Variants in RGS22 observed in about 807,000 individuals in gnomAD.
The protein encoded by RGS22 is regulator of G protein signaling 22.
Under a neutral mutation model 172.9 loss-of-function variants are expected in RGS22, and 148 were observed. That is an observed-to-expected ratio of 0.86 (90% CI 0.75 to 0.98). The LOEUF (loss-of-function observed/expected upper bound fraction) is 0.98. Ranked by LOEUF, RGS22 falls within the 50% of genes least tolerant of loss-of-function variation. The probability of loss-of-function intolerance (pLI) is 0.00; values close to 1 mark genes in which losing one functional copy is unlikely to be tolerated. For missense variants in RGS22, 1,347 were observed against 1,440.8 expected (o/e 0.93, Z 1.05); for synonymous variants, 458 against 480.2 (o/e 0.95, Z 0.60).
intron 3 of RGS22, among the ~76,000 whole-genome samples, chr8:100,085,912 T>C (rs1402264506): frequency 2.0e-5 from 3 of 152,196 alleles, no homozygotes; most frequent in East Asian, 3.8e-4. Flanking sequence ...TGGATGTATA[T>C]TGAACTCCAG....
intron 9 of RGS22, among the ~76,000 whole-genome samples, chr8:100,059,167 G>A (rs566571419): frequency 1.3e-5 from 2 of 152,030 alleles, no homozygotes; most frequent in South Asian, 4.1e-4. Context: ...TAAAAAGCAA[G>A]AAACTAAATC....
intron 20 of RGS22, among the ~76,000 whole-genome samples, chr8:99,996,031 T>G (rs1461257559): frequency 6.6e-6 from 1 of 150,696 alleles, no homozygotes; most frequent in Non-Finnish European, 1.5e-5. Context: ...AAACACTGCA[T>G]GTTATCACTC....
At chr8:100,001,591 A>G (rs1815096665) in intron 18 of RGS22, among the ~76,000 whole-genome samples, 1 of 152,198 alleles carries the variant, frequency 6.6e-6, no homozygotes, top group South Asian at 2.1e-4. Flanking sequence ...TTATTAATAA[A>G]TTGTGATTAA....
In RGS22 at chr8:100,051,713, A is replaced by ATATATATT. The variant is rs1325571409; in HGVS notation, c.1689+1081_1689+1088dup. On this transcript the variant is annotated intron_variant, in intron 10 of 27. Transcript: ENST00000360863. ...TATATTTATATATACGTATATATAA[A>ATATATATT]TATATATTTATATATACGTATATAT... Among the ~76,000 whole-genome samples, 3 of 38,754 alleles carry ATATATATT rather than the reference A, an allele frequency of 7.7e-5. 1 individual carries two copies. The African/African-American group carries it at 8.1e-4, about 10-fold the overall frequency. The allele number at this position is 38,754 out of a possible 152,430, so 25.4% of individuals were successfully genotyped here.
chr8:100,053,580 G>C (rs889432393), intron 9 of RGS22, among the ~76,000 whole-genome samples: 1 of 152,156 alleles, frequency 6.6e-6, no homozygotes, highest in Non-Finnish European at 1.5e-5. Context: ...TAATTTTAAA[G>C]CACTTTGGCA....
At chr8:100,098,930 A>ATTTTATTTT (rs1813249053) in intron 2 of RGS22, among the ~76,000 whole-genome samples, 1 of 109,294 alleles carries the variant, frequency 9.1e-6, no homozygotes, top group Non-Finnish European at 2.1e-5. Flanking sequence ...TATTTTATTT[A>ATTTTATTTT]TTTTTTAATG....
chr8:100,071,994 C>T (rs916320632), intron 5 of RGS22, 151 bp downstream of exon 5: 14 of 528,472 alleles, frequency 2.6e-5, no homozygotes, highest in African/African-American at 1.2e-4. Context: ...GCCAGGAGTT[C>T]GAGACCAGCC....
rs1820178380 is a variant in RGS22 at position 100,041,927 on chromosome 8, A to G, written c.1824-11T>C. Reference sequence around the variant, plus strand: ...GACATGTACTTTGACCTAAATTATAAGGATGAGAACTAAAATTATAAGAAT... The same window carrying G: ...GACATGTACTTTGACCTAAATTATAGGGATGAGAACTAAAATTATAAGAAT... On this transcript the variant is annotated splice_polypyrimidine_tract_variant and intron_variant, in intron 11 of 27. Transcript: ENST00000360863. 6.5e-7 allele frequency: 1 copy of G among 1,538,364 alleles called. No homozygotes were observed. The highest frequency in any genetic ancestry group is 9.0e-7 in the Non-Finnish European group (1 of 1,113,800).
At chr8:99,987,681 T>A in intron 20 of RGS22, 62 bp from the exon 21 acceptor site, 2 of 1,311,912 alleles carry the variant, frequency 1.5e-6, no homozygotes, top group East Asian at 2.6e-5. Flanking sequence ...TACCAACTTC[T>A]ATCTCCTAAA....
chr8:100,080,012 T>C (rs1811631605), intron 4 of RGS22, 122 bp downstream of exon 4: 4 of 687,572 alleles, frequency 5.8e-6, no homozygotes, highest in South Asian at 5.7e-5. Context: ...AAATACTATG[T>C]GTACGTACAA....
intron 23 of RGS22, among the ~76,000 whole-genome samples, chr8:99,974,795 C>CAAA (rs796385179): frequency 1.0e-4 from 12 of 116,172 alleles, no homozygotes; most frequent in African/African-American, 3.2e-4. Flanking sequence ...AAGACTCTGT[C>CAAA]AAAAAAAAAA....
At chr8:99,978,927 A>C (rs1812259581) in intron 22 of RGS22, among the ~76,000 whole-genome samples, 1 of 152,238 alleles carries the variant, frequency 6.6e-6, no homozygotes, top group African/African-American at 2.4e-5. Flanking sequence ...TAAATGCTGC[A>C]GTGATCAACA....
chr8:100,047,676 C>T, intron 10 of RGS22, 80 bp from the exon 11 acceptor site: 10 of 1,289,312 alleles, frequency 7.8e-6, no homozygotes, highest in Non-Finnish European at 9.2e-6. Flanking sequence ...AATTTGTTCT[C>T]ATCACTCGAG....
At chr8:99,980,594 GT>G (rs752216929) in intron 22 of RGS22, among the ~76,000 whole-genome samples, 48 of 152,208 alleles carry the variant, frequency 3.2e-4, no homozygotes, top group Non-Finnish European at 4.9e-4. Flanking sequence ...CAGATTCAGT[GT>G]GATGTGGCCC....
At chr8:100,050,871 G>A (rs892341217) in intron 10 of RGS22, 2 of 152,114 alleles carry the variant, frequency 1.3e-5, no homozygotes, top group African/African-American at 2.4e-5. Flanking sequence ...TTATGTGCCA[G>A]GCACTGTTCT....
intron 2 of RGS22, among the ~76,000 whole-genome samples, chr8:100,100,699 T>C (rs1337199172): frequency 1.3e-5 from 2 of 152,348 alleles, no homozygotes; most frequent in East Asian, 3.9e-4. Flanking sequence ...AATGTCTTCA[T>C]GCTTGGGAAA....
intron 6 of RGS22, among the ~76,000 whole-genome samples, chr8:100,069,652 T>G (rs1810799103): frequency 1.3e-5 from 2 of 152,296 alleles, no homozygotes; most frequent in East Asian, 3.9e-4. Context: ...AAGAAATGAA[T>G]CCAAATTATA....
intron 20 of RGS22, among the ~76,000 whole-genome samples, chr8:99,993,029 C>A (rs919776254): frequency 6.6e-6 from 1 of 151,990 alleles, no homozygotes; most frequent in South Asian, 2.1e-4. Flanking sequence ...GGGTAAATAA[C>A]GAAATGAAGG....
At chr8:100,048,663 A>G (rs976393132) in intron 10 of RGS22, among the ~76,000 whole-genome samples, 1 of 152,132 alleles carries the variant, frequency 6.6e-6, no homozygotes, top group Non-Finnish European at 1.5e-5. Context: ...CTTCCCATAT[A>G]TAAGGGCTTA....
Sources: gnomAD v4.1 joint callset for allele counts (sites outside exome capture counted in the v4.1 genomes callset) on GRCh38, gnomAD v4.1.1 for gene constraint, MANE v1.5 for transcripts, NCBI Gene and HGNC (gene_info 2026-07-23, HGNC 2026-07-21) for gene names.